The following ATXN1 variants were observed in gnomAD, a reference collection of about 807,000 sequenced individuals.
ATXN1 encodes the protein ataxin-1.
In ATXN1, 8 loss-of-function variants were observed where a neutral mutation model predicts 56.4. The ratio of observed to expected loss-of-function variants is 0.14; its 90% CI spans 0.08 to 0.26. The LOEUF is 0.26. ATXN1 is among the 10% of genes least tolerant of loss of function. The probability of loss-of-function intolerance (pLI) is 1.00; values close to 1 mark genes in which losing one functional copy is unlikely to be tolerated. For missense variants in ATXN1, 987 were observed against 1,106.5 expected (o/e 0.89, Z 1.53); for synonymous variants, 514 against 494.6 (o/e 1.04, Z -0.52).
chr6:16,692,626 TAAG>T (rs1208692891), intron 2 of ATXN1, among the ~76,000 whole-genome samples: 7 of 149,868 alleles, frequency 4.7e-5, no homozygotes, highest in South Asian at 4.3e-4. Flanking sequence ...TAAATAATAA[TAAG>T]AAGAAGACCA....
chr6:16,342,508 A>G (rs1761273032), intron 6 of ATXN1, among the ~76,000 whole-genome samples: 1 of 152,172 alleles, frequency 6.6e-6, no homozygotes, highest in Non-Finnish European at 1.5e-5. Context: ...TGACTCAGCA[A>G]TTCCACGTCT....
intron 6 of ATXN1, among the ~76,000 whole-genome samples, chr6:16,457,222 C>A (rs1461628834): frequency 1.3e-5 from 2 of 152,106 alleles, no homozygotes; most frequent in Non-Finnish European, 2.9e-5. Flanking sequence ...GGCAAGGGTG[C>A]AGGTTTTTGA....
chr6:16,454,988 G>C (rs1759835781), intron 6 of ATXN1, among the ~76,000 whole-genome samples: 1 of 152,158 alleles, frequency 6.6e-6, no homozygotes, highest in Non-Finnish European at 1.5e-5. Flanking sequence ...GTTATGTATG[G>C]AAAGGAGTAA....
intron 2 of ATXN1, among the ~76,000 whole-genome samples, chr6:16,745,112 A>G (rs1760479167): frequency 6.6e-6 from 1 of 152,216 alleles, no homozygotes; most frequent in South Asian, 2.1e-4. Context: ...GAGCCTATTA[A>G]ATTAGCCAAA....
At chr6:16,580,473 G>C (rs1206515589) in intron 4 of ATXN1, among the ~76,000 whole-genome samples, 1 of 152,216 alleles carries the variant, frequency 6.6e-6, no homozygotes. Flanking sequence ...CATTAGTGTA[G>C]CAGGGGAAGG....
In ATXN1 at chr6:16,760,330, G is replaced by GCCTGCCGCGGCTCCTCGTCT. The variant is rs1428447547; in HGVS notation, c.-730+948_-730+967dup. The stretch of plus-strand genomic sequence containing the variant: ...CCGTTCACTCCCGGCTCAGGGCAGC[G>GCCTGCCGCGGCTCCTCGTCT]CCTGCCGCGGCTCCTCGTCTCCTGC... On this transcript the variant is annotated intron_variant, in intron 1 of 7. Coordinates refer to ENST00000436367, the MANE Select transcript of ATXN1 (RefSeq NM_001128164.2). The surrounding 1 kb of genome is among the most constrained non-coding windows in gnomAD (Gnocchi z 5.3). Among the ~76,000 whole-genome samples, 3 of 151,900 alleles carry GCCTGCCGCGGCTCCTCGTCT rather than the reference G, an allele frequency of 2.0e-5. No homozygotes were observed. The East Asian group carries it at 5.8e-4, about 30-fold the overall frequency.
At chr6:16,704,343 T>C (rs1485132762) in intron 2 of ATXN1, among the ~76,000 whole-genome samples, 1 of 151,964 alleles carries the variant, frequency 6.6e-6, no homozygotes, top group Non-Finnish European at 1.5e-5. Context: ...CCCCCCAAGA[T>C]TGACTGTCGG....
chr6:16,612,041 A>G (rs1377184690), intron 3 of ATXN1, among the ~76,000 whole-genome samples: 2 of 151,520 alleles, frequency 1.3e-5, no homozygotes, highest in Non-Finnish European at 2.9e-5. Context: ...TTGTATTTTT[A>G]GTAGAGACGG....
chr6:16,456,092 A>G (rs1759863919), intron 6 of ATXN1, among the ~76,000 whole-genome samples: 1 of 152,146 alleles, frequency 6.6e-6, no homozygotes. Context: ...ACGCTGGGGA[A>G]GCTTTGTCCT....
At chr6:16,315,350 CAAATACACCT>C in intron 7 of ATXN1, among the ~76,000 whole-genome samples, 1 of 152,244 alleles carries the variant, frequency 6.6e-6, no homozygotes, top group Non-Finnish European at 1.5e-5. Context: ...GTTCCTTTTC[CAAATACACCT>C]AGAATGATAC....
chr6:16,419,357 A>G (rs998242773), intron 6 of ATXN1, among the ~76,000 whole-genome samples: 2 of 152,306 alleles, frequency 1.3e-5, no homozygotes, highest in African/African-American at 4.8e-5. Context: ...TATAATTAAT[A>G]GCCAATCCTA....
At chr6:16,459,924 C>T (rs1316724663) in intron 6 of ATXN1, among the ~76,000 whole-genome samples, 1 of 152,206 alleles carries the variant, frequency 6.6e-6, no homozygotes, top group Non-Finnish European at 1.5e-5. Context: ...GAAGGCCCAG[C>T]TCTGCCTACA....
intron 3 of ATXN1, among the ~76,000 whole-genome samples, chr6:16,646,202 C>T (rs556654590): frequency 6.6e-6 from 1 of 152,208 alleles, no homozygotes; most frequent in Non-Finnish European, 1.5e-5. Flanking sequence ...GCCTGGGTGA[C>T]AGAGCAAGAC....
chr6:16,386,229 T>G (rs752759429), intron 6 of ATXN1, among the ~76,000 whole-genome samples: 12 of 152,232 alleles, frequency 7.9e-5, no homozygotes, highest in African/African-American at 2.9e-4. Context: ...TCACTCCTCC[T>G]TGCCATTCTG....
At chr6:16,514,570 A>C (rs1200726869) in intron 5 of ATXN1, among the ~76,000 whole-genome samples, 1 of 152,148 alleles carries the variant, frequency 6.6e-6, no homozygotes, top group Non-Finnish European at 1.5e-5. Context: ...CTGCTGATTT[A>C]AGATTTGATC....
intron 6 of ATXN1, among the ~76,000 whole-genome samples, chr6:16,344,295 A>C (rs1561860098): frequency 6.6e-6 from 1 of 152,360 alleles, no homozygotes; most frequent in East Asian, 1.9e-4. Flanking sequence ...CATGGTGGGC[A>C]TGATGGTTAA....
At chr6:16,324,765 T>A (rs1760762019) in intron 7 of ATXN1, among the ~76,000 whole-genome samples, 2 of 152,140 alleles carry the variant, frequency 1.3e-5, no homozygotes, top group South Asian at 4.1e-4. Flanking sequence ...AAGGGTAGAT[T>A]GAAGGAGCCT....
At chr6:16,449,747 T>C (rs779107280) in intron 6 of ATXN1, among the ~76,000 whole-genome samples, 3 of 152,234 alleles carry the variant, frequency 2.0e-5, no homozygotes, top group Admixed American at 1.3e-4. Flanking sequence ...GGAAAACATA[T>C]CCTGAGCTTG....
At chr6:16,749,405 C>T (rs1760640511) in intron 2 of ATXN1, among the ~76,000 whole-genome samples, 2 of 152,142 alleles carry the variant, frequency 1.3e-5, no homozygotes, top group East Asian at 1.9e-4. Context: ...ATTTGTTTAA[C>T]GAGATACCGC....
Sources: allele counts gnomAD v4.1 joint callset (sites outside exome capture counted in the v4.1 genomes callset), GRCh38; gene constraint gnomAD v4.1.1; non-coding constraint Gnocchi (gnomAD v3.1); transcripts MANE v1.5; gene names NCBI Gene and HGNC (gene_info 2026-07-23, HGNC 2026-07-21).